The following ANKRD44 variants were observed in gnomAD, a reference collection of about 807,000 sequenced individuals.
ANKRD44 encodes the protein ankyrin repeat domain 44, also known as serine/threonine-protein phosphatase 6 regulatory ankyrin repeat subunit B.
A neutral mutation model predicts 116.0 loss-of-function variants in ANKRD44; 35 were observed. The observed-to-expected ratio is 0.30, with a 90% CI of 0.23 to 0.40. ANKRD44 has a LOEUF of 0.40. Among genes scored for constraint, ANKRD44 ranks in the 10% least tolerant of loss-of-function variants. The pLI is 1.00. For missense variants in ANKRD44, 1,014 were observed against 1,242.6 expected (o/e 0.82, Z 2.77); for synonymous variants, 435 against 461.8 (o/e 0.94, Z 0.74).
chr2:197,036,845 C>G (rs559249239), intron 16 of ANKRD44, among the ~76,000 whole-genome samples: 1 of 152,162 alleles, frequency 6.6e-6, no homozygotes, highest in Admixed American at 6.5e-5. Flanking sequence ...CCTAGTAAAC[C>G]TACTTCAGAG....
chr2:197,153,135 A>G (rs2079698513), intron 2 of ANKRD44, among the ~76,000 whole-genome samples: 1 of 145,136 alleles, frequency 6.9e-6, no homozygotes, highest in Non-Finnish European at 1.5e-5. Context: ...TGAGCCCAGA[A>G]GGTCAAGAGG....
Position 197,122,604 on chromosome 2 carries a change from C to A in ANKRD44, c.693+46G>T, listed in dbSNP as rs115652953. Reference sequence around the variant, plus strand: ...GATTTAACTTTAGAATAACAGAAATCTTACAAATACACTGGCCATGCATTG... The same window carrying A: ...GATTTAACTTTAGAATAACAGAAATATTACAAATACACTGGCCATGCATTG... On this transcript the variant is annotated intron_variant, in intron 7 of 27. Transcript: ENST00000282272. The A allele has an allele frequency of 8.4e-4, 1,321 of 1,577,490 alleles. 11 individuals are homozygous for A. In the African/African-American group the frequency reaches 0.016, roughly 19 times the overall value.
chr2:197,138,747 C>T (rs981935460), intron 3 of ANKRD44, among the ~76,000 whole-genome samples: 2 of 152,158 alleles, frequency 1.3e-5, no homozygotes, highest in Non-Finnish European at 2.9e-5. Flanking sequence ...ACATGTATTT[C>T]TTATTTTGGG....
At chr2:197,091,896 C>A (rs1672707917) in intron 10 of ANKRD44, among the ~76,000 whole-genome samples, 2 of 152,158 alleles carry the variant, frequency 1.3e-5, no homozygotes, top group Admixed American at 1.3e-4. Context: ...CATTACTTTG[C>A]ATATATTTCA....
intron 2 of ANKRD44, among the ~76,000 whole-genome samples, chr2:197,174,527 A>G (rs1289350146): frequency 6.6e-6 from 1 of 152,246 alleles, no homozygotes; most frequent in Non-Finnish European, 1.5e-5. Flanking sequence ...TTGTTCTAGC[A>G]TTTATGTATA....
At chr2:197,086,179 T>A (rs1163449467) in intron 13 of ANKRD44, among the ~76,000 whole-genome samples, 1 of 151,700 alleles carries the variant, frequency 6.6e-6, no homozygotes, top group Non-Finnish European at 1.5e-5. Flanking sequence ...ACATGAAAAA[T>A]ATATATCCAT....
chr2:197,177,797 G>T (rs2080403525), intron 2 of ANKRD44, among the ~76,000 whole-genome samples: 1 of 151,946 alleles, frequency 6.6e-6, no homozygotes, highest in African/African-American at 2.4e-5. Context: ...CATGATATCT[G>T]CTGTTTAACA....
intron 1 of ANKRD44, among the ~76,000 whole-genome samples, chr2:197,302,964 G>A (rs2083956672): frequency 6.6e-6 from 1 of 152,220 alleles, no homozygotes; most frequent in African/African-American, 2.4e-5. Context: ...CAAGAGACAA[G>A]CATGGCCTTT....
intron 2 of ANKRD44, among the ~76,000 whole-genome samples, chr2:197,166,764 C>G (rs2080110987): frequency 6.6e-6 from 1 of 152,212 alleles, no homozygotes; most frequent in African/African-American, 2.4e-5. Flanking sequence ...AGCAGAGCCA[C>G]ACTTGGAACC....
chr2:197,111,364 C>T (rs1290713258), intron 8 of ANKRD44, among the ~76,000 whole-genome samples: 6 of 152,124 alleles, frequency 3.9e-5, no homozygotes, highest in African/African-American at 1.4e-4. Context: ...GACCTGAGGC[C>T]GGTCGTGGTG....
At chr2:197,274,393 G>C (rs2083013382) in intron 1 of ANKRD44, among the ~76,000 whole-genome samples, 1 of 152,210 alleles carries the variant, frequency 6.6e-6, no homozygotes, top group South Asian at 2.1e-4. Flanking sequence ...CAGCTGTGCA[G>C]AGTGTGGTCA....
chr2:197,194,208 A>G (rs1194411069), intron 1 of ANKRD44, among the ~76,000 whole-genome samples: 3 of 152,220 alleles, frequency 2.0e-5, no homozygotes, highest in Admixed American at 1.3e-4. Context: ...CAAACTGAGC[A>G]TGACTTGGCC....
In ANKRD44 at chr2:197,099,709, AT is replaced by A. The variant is rs1272846961; in HGVS notation, c.1100+106del. The stretch of plus-strand genomic sequence containing the variant: ...ATTTGTATTTAGTATAATGGTATAG[AT>A]CCACCTTAACCTGGATAAATGGGAA... On this transcript the variant is annotated intron_variant, in intron 10 of 27. Transcript: ENST00000282272. The A allele has an allele frequency of 1.0e-4, 149 of 1,483,958 alleles. No individual in the cohort carries two copies. In the African/African-American group the frequency reaches 2.0e-3, roughly 20 times the overall value. 91.9% of individuals were successfully genotyped at this position (1,483,958 alleles called of 1,614,324 possible).
chr2:196,979,554 CTTTTTTTTTTTT>C (rs71012942), intron 21 of ANKRD44, among the ~76,000 whole-genome samples: 5 of 59,644 alleles, frequency 8.4e-5, no homozygotes. Context: ...AATAAGATGA[CTTTTTTTTTTTT>C]TTTTTTTTTT....
At chr2:197,036,716 GTA>G (rs1178504823) in intron 16 of ANKRD44, among the ~76,000 whole-genome samples, 1 of 152,192 alleles carries the variant, frequency 6.6e-6, no homozygotes, top group Non-Finnish European at 1.5e-5. Context: ...AGAGCCTGTA[GTA>G]TGTGTAAGGA....
In ANKRD44 at chr2:197,199,655, G is replaced by C. The variant is rs549936987; in HGVS notation, c.28-12549C>G. 7.2e-4 allele frequency among the ~76,000 whole-genome samples: 110 copies of C among 152,078 alleles called. 5 individuals are homozygous for C. In the South Asian group the frequency reaches 0.022, roughly 31 times the overall value. On this transcript the variant is annotated intron_variant, in intron 1 of 27. Coordinates refer to ENST00000282272, the MANE Select transcript of ANKRD44 (RefSeq NM_001195144.2). ...GGGTCTTGCTATATTGTCCAGGGTG[G>C]TCTCAAATTCTTGGGTTCAAGCGAT... is the stretch of plus-strand genomic sequence containing the variant.
chr2:197,223,968 GA>G, intron 1 of ANKRD44, among the ~76,000 whole-genome samples: 1 of 146,812 alleles, frequency 6.8e-6, no homozygotes, highest in Non-Finnish European at 1.5e-5. Flanking sequence ...AACAAACCCC[GA>G]AAAGTAGTAG....
chr2:197,156,064 G>A (rs186467888), intron 2 of ANKRD44, among the ~76,000 whole-genome samples: 27 of 152,110 alleles, frequency 1.8e-4, no homozygotes, highest in Admixed American at 9.2e-4. Flanking sequence ...AATGCTCACC[G>A]GGCCGGGCGT....
At chr2:196,994,791 G>C (rs1048446240) in intron 26 of ANKRD44, 1 of 152,486 alleles carries the variant, frequency 6.6e-6, no homozygotes, top group African/African-American at 2.4e-5. Context: ...CCAAAGTGCT[G>C]GGATTAAAGG....
Sources: allele counts gnomAD v4.1 joint callset (sites outside exome capture counted in the v4.1 genomes callset), GRCh38; gene constraint gnomAD v4.1.1; transcripts MANE v1.5; gene names NCBI Gene and HGNC (gene_info 2026-07-23, HGNC 2026-07-21).